Variants in RAD51B observed in about 807,000 individuals in gnomAD.
RAD51B encodes the protein DNA repair protein RAD51 homolog 2.
In RAD51B, 38 loss-of-function variants were observed where a neutral mutation model predicts 42.2. That is an observed-to-expected ratio of 0.90 (90% CI 0.70 to 1.18). RAD51B has a LOEUF of 1.18. RAD51B is among the 50% of genes most tolerant of loss of function. The pLI, the probability that RAD51B is intolerant of heterozygous loss-of-function variation, is 0.00. For missense variants in RAD51B, 373 were observed against 400.7 expected (o/e 0.93, Z 0.59); for synonymous variants, 154 against 145.2 (o/e 1.06, Z -0.43).
At chr14:68,253,074 C>T (rs1370350627) in intron 7 of RAD51B, among the ~76,000 whole-genome samples, 1 of 147,106 alleles carries the variant, frequency 6.8e-6, no homozygotes, top group African/African-American at 2.6e-5. Flanking sequence ...CAGAGCAGGA[C>T]TCCGTCAAAA....
At chr14:68,301,288 A>G (rs906570014) in intron 8 of RAD51B, among the ~76,000 whole-genome samples, 1 of 152,178 alleles carries the variant, frequency 6.6e-6, no homozygotes, top group African/African-American at 2.4e-5. Flanking sequence ...GTTTAGGTAA[A>G]TGAAGCTAGA....
intron 9 of RAD51B, among the ~76,000 whole-genome samples, chr14:68,452,783 T>G (rs2085590626): frequency 6.6e-6 from 1 of 152,214 alleles, no homozygotes; most frequent in Non-Finnish European, 1.5e-5. Context: ...ATCCTCACAA[T>G]AAGCCTATGA....
At chr14:68,477,182 C>T (rs958467502) in intron 10 of RAD51B, among the ~76,000 whole-genome samples, 6 of 152,228 alleles carry the variant, frequency 3.9e-5, no homozygotes, top group Non-Finnish European at 7.3e-5. Flanking sequence ...AAGTCTCCCC[C>T]ACAGGGCTGC....
chr14:68,399,725 C>G (rs1388916606), intron 8 of RAD51B, among the ~76,000 whole-genome samples: 1 of 152,196 alleles, frequency 6.6e-6, no homozygotes, highest in Non-Finnish European at 1.5e-5. Context: ...GCATTTATCT[C>G]TTAAGAACAA....
chr14:68,067,376 A>G (rs1226439652), intron 7 of RAD51B, among the ~76,000 whole-genome samples: 2 of 150,656 alleles, frequency 1.3e-5, no homozygotes, highest in African/African-American at 4.9e-5. Flanking sequence ...AGGCAGCAGA[A>G]TTGCTTGAAC....
At chr14:68,172,626 T>C (rs1250632049) in intron 7 of RAD51B, among the ~76,000 whole-genome samples, 2 of 152,194 alleles carry the variant, frequency 1.3e-5, no homozygotes, top group Non-Finnish European at 2.9e-5. Flanking sequence ...TTGACTGATA[T>C]TTCCCAAACT....
At chr14:67,898,524 A>G (rs1049207662) in intron 7 of RAD51B, among the ~76,000 whole-genome samples, 7 of 152,222 alleles carry the variant, frequency 4.6e-5, no homozygotes, top group African/African-American at 1.4e-4. Context: ...AGTGAACAGT[A>G]ATGTATACTT....
At chr14:68,086,555 C>T (rs183270103) in intron 7 of RAD51B, among the ~76,000 whole-genome samples, 23 of 152,218 alleles carry the variant, frequency 1.5e-4, no homozygotes, top group African/African-American at 5.5e-4. Context: ...TCCCTGCCCC[C>T]TTTCTGTATG....
At chr14:68,566,461 A>G (rs978330836) in intron 10 of RAD51B, among the ~76,000 whole-genome samples, 16 of 152,304 alleles carry the variant, frequency 1.1e-4, no homozygotes, top group African/African-American at 3.9e-4. Context: ...AAACCCCTCA[A>G]ACTTGAGCAC....
At chr14:68,587,907 T>C (rs116128607) in intron 10 of RAD51B, among the ~76,000 whole-genome samples, 2 of 152,294 alleles carry the variant, frequency 1.3e-5, no homozygotes, top group African/African-American at 2.4e-5. Flanking sequence ...ATGGCAGACA[T>C]GGTGCATTTA....
chr14:67,910,424 AAAAAAAAAAAAAAAAAAAT>A (rs2043934891), intron 7 of RAD51B, among the ~76,000 whole-genome samples: 1 of 80,054 alleles, frequency 1.2e-5, no homozygotes, highest in Non-Finnish European at 2.3e-5. Context: ...AAAAAAAAAA[AAAAAAAAAAAAAAAAAAAT>A]ATTTAAATAA....
intron 1 of RAD51B, chr14:67,822,226 A>G (rs1028135110): frequency 6.6e-6 from 1 of 152,194 alleles, no homozygotes; most frequent in African/African-American, 2.4e-5. Flanking sequence ...TACCATCTCA[A>G]TGAGATATAC....
intron 9 of RAD51B, among the ~76,000 whole-genome samples, chr14:68,429,086 A>G (rs1566878703): frequency 6.6e-6 from 1 of 152,162 alleles, no homozygotes; most frequent in South Asian, 2.1e-4. Context: ...ACATGAACTC[A>G]TCATTTTTTA....
chr14:67,837,186 T>C (rs1187797523), intron 4 of RAD51B, among the ~76,000 whole-genome samples: 1 of 151,762 alleles, frequency 6.6e-6, no homozygotes, highest in African/African-American at 2.4e-5. Context: ...CACACACACA[T>C]CCTCTTCTTT....
chr14:68,166,632 G>C lies in RAD51B; in HGVS notation c.757-125252G>C, dbSNP rs562383237. On this transcript the variant is annotated intron_variant, in intron 7 of 10. Coordinates refer to ENST00000471583, the MANE Select transcript of RAD51B (RefSeq NM_133510.4). ...CTAAACTAACGTAGTAGGGAAGAGA[G>C]TGTAAGAAAAGTGCTGTTGAATTCA... Among the ~76,000 whole-genome samples the C allele has an allele frequency of 4.6e-5, 7 of 152,300 alleles. 1 individual carries two copies. In the Middle Eastern group the frequency reaches 0.017, roughly 370 times the overall value.
chr14:68,485,722 A>G (rs144861635), intron 10 of RAD51B, among the ~76,000 whole-genome samples: 1 of 152,320 alleles, frequency 6.6e-6, no homozygotes, highest in Non-Finnish European at 1.5e-5. Context: ...TAAAGTCCAG[A>G]TTCTTGACTA....
At chr14:68,188,785 AT>A (rs2079207052) in intron 7 of RAD51B, among the ~76,000 whole-genome samples, 1 of 152,096 alleles carries the variant, frequency 6.6e-6, no homozygotes, top group Non-Finnish European at 1.5e-5. Flanking sequence ...TAGAATCCAA[AT>A]TTATTCTCTT....
intron 7 of RAD51B, among the ~76,000 whole-genome samples, chr14:68,180,123 C>A (rs1362836225): frequency 6.6e-6 from 1 of 152,128 alleles, no homozygotes; most frequent in East Asian, 1.9e-4. Flanking sequence ...TGCCTAGTTC[C>A]ATAAGTCACC....
chr14:67,948,916 A>G, intron 7 of RAD51B, among the ~76,000 whole-genome samples: 1 of 119,808 alleles, frequency 8.3e-6, no homozygotes, highest in East Asian at 2.7e-4. Flanking sequence ...TGGGTGACAG[A>G]GTGAGACTCT....
Sources: allele counts gnomAD v4.1 joint callset (sites outside exome capture counted in the v4.1 genomes callset), GRCh38; gene constraint gnomAD v4.1.1; transcripts MANE v1.5; gene names NCBI Gene and HGNC (gene_info 2026-07-23, HGNC 2026-07-21).